The following RALYL variants were observed in gnomAD, a reference collection of about 807,000 sequenced individuals.
RALYL encodes the protein RALY RNA binding protein like.
In RALYL, 29 loss-of-function variants were observed where a neutral mutation model predicts 35.1. The ratio of observed to expected loss-of-function variants is 0.83; its 90% CI spans 0.61 to 1.13. The LOEUF is 1.13. RALYL is among the 50% of genes most tolerant of loss of function. The pLI, the probability that RALYL is intolerant of heterozygous loss-of-function variation, is 0.00. For synonymous variants in RALYL, 120 were observed against 127.6 expected (o/e 0.94, Z 0.40); for missense variants, 359 against 360.4 (o/e 1.00, Z 0.03).
chr8:84,309,023 A>G (rs1362144365), intron 1 of RALYL, among the ~76,000 whole-genome samples: 1 of 151,730 alleles, frequency 6.6e-6, no homozygotes, highest in African/African-American at 2.4e-5. Flanking sequence ...AGTATATACT[A>G]TACAATTATG....
chr8:84,305,885 G>A (rs1841688728), intron 1 of RALYL, among the ~76,000 whole-genome samples: 1 of 152,132 alleles, frequency 6.6e-6, no homozygotes, highest in African/African-American at 2.4e-5. Flanking sequence ...AGAAAACAAA[G>A]AGTATGTAAT....
Position 84,600,957 on chromosome 8 carries a change from T to C in RALYL, c.256+71380T>C, listed in dbSNP as rs183925077. On this transcript the variant is annotated intron_variant, in intron 2 of 8. Transcript: ENST00000521268. ...AATAACTGAATTAAGTTAAACAATA[T>C]GTTCAGGAAACATTTAGTAAGTGCC... Among the ~76,000 whole-genome samples the C allele has an allele frequency of 3.2e-4, 49 of 152,236 alleles. No individual in the cohort carries two copies. The East Asian group carries it at 8.9e-3, about 28-fold the overall frequency.
chr8:84,531,142 C>T (rs1217809782), intron 2 of RALYL, among the ~76,000 whole-genome samples: 1 of 152,086 alleles, frequency 6.6e-6, no homozygotes, highest in African/African-American at 2.4e-5. Context: ...TATAATCTTA[C>T]CTGTGTCATG....
intron 1 of RALYL, among the ~76,000 whole-genome samples, chr8:84,260,921 A>G (rs920101506): frequency 1.6e-4 from 24 of 152,200 alleles, no homozygotes; most frequent in African/African-American, 5.8e-4. Context: ...CTATTTATGT[A>G]GCAATTTTTG....
intron 2 of RALYL, among the ~76,000 whole-genome samples, chr8:84,621,557 C>T (rs1046119620): frequency 4.0e-5 from 6 of 151,744 alleles, no homozygotes; most frequent in African/African-American, 7.3e-5. Flanking sequence ...CACCTGTCTT[C>T]GGCGTCGCTC....
chr8:84,526,366 C>T (rs931509662), intron 1 of RALYL, among the ~76,000 whole-genome samples: 4 of 152,134 alleles, frequency 2.6e-5, no homozygotes, highest in African/African-American at 9.7e-5. Context: ...AGGGTGGTCA[C>T]AGAATACCTT....
At chr8:84,898,281 T>C (rs1352187221) in intron 8 of RALYL, among the ~76,000 whole-genome samples, 2 of 152,342 alleles carry the variant, frequency 1.3e-5, no homozygotes, top group East Asian at 1.9e-4. Flanking sequence ...TAGGTGATTG[T>C]GGTGCCTACT....
At chr8:84,398,973 CAAAAAAAA>C (rs10551190) in intron 1 of RALYL, among the ~76,000 whole-genome samples, 1 of 133,488 alleles carries the variant, frequency 7.5e-6, no homozygotes. Flanking sequence ...GACTCTGTCT[CAAAAAAAA>C]AAAAAAAAAA....
chr8:84,237,146 G>A (rs1022588960), intron 1 of RALYL, among the ~76,000 whole-genome samples: 1 of 152,132 alleles, frequency 6.6e-6, no homozygotes, highest in Non-Finnish European at 1.5e-5. Flanking sequence ...TGGGAAATAA[G>A]TTACAGGAAA....
intron 1 of RALYL, among the ~76,000 whole-genome samples, chr8:84,516,532 G>T (rs907021718): frequency 1.3e-5 from 2 of 152,024 alleles, no homozygotes; most frequent in African/African-American, 4.8e-5. Flanking sequence ...TATGTATGAA[G>T]TTCATTTTGA....
intron 1 of RALYL, among the ~76,000 whole-genome samples, chr8:84,250,095 A>G (rs1006633527): frequency 3.3e-5 from 5 of 152,126 alleles, no homozygotes; most frequent in African/African-American, 1.2e-4. Flanking sequence ...TACAGAAAGG[A>G]AAACTAGAAA....
At chr8:84,654,675 A>G (rs1019875212) in intron 2 of RALYL, among the ~76,000 whole-genome samples, 4 of 152,128 alleles carry the variant, frequency 2.6e-5, no homozygotes, top group African/African-American at 9.7e-5. Flanking sequence ...AAGTGAGGAC[A>G]TACAACATTT....
intron 8 of RALYL, among the ~76,000 whole-genome samples, chr8:84,901,514 G>T (rs965542220): frequency 2.0e-5 from 3 of 152,164 alleles, no homozygotes; most frequent in African/African-American, 7.2e-5. Context: ...AGGCGGGAGA[G>T]GGACTACTGC....
intron 8 of RALYL, among the ~76,000 whole-genome samples, chr8:84,891,048 A>G (rs1394657647): frequency 6.6e-6 from 1 of 152,186 alleles, no homozygotes; most frequent in East Asian, 1.9e-4. Context: ...TTAGGGACCG[A>G]GATATTTCAG....
At chr8:84,231,460 A>T (rs35038179) in intron 1 of RALYL, among the ~76,000 whole-genome samples, 8,521 of 152,272 alleles carry the variant, frequency 0.056, 276 homozygotes, top group Middle Eastern at 0.099. Flanking sequence ...TAGTACTGAA[A>T]AAATGGCCAT....
At chr8:84,389,996 T>G (rs1056646647) in intron 1 of RALYL, among the ~76,000 whole-genome samples, 9 of 152,202 alleles carry the variant, frequency 5.9e-5, no homozygotes, top group African/African-American at 2.2e-4. Flanking sequence ...TAGATAGCTC[T>G]TATTATTTTG....
intron 4 of RALYL, among the ~76,000 whole-genome samples, chr8:84,845,393 T>C (rs1172167373): frequency 6.6e-6 from 1 of 152,152 alleles, no homozygotes; most frequent in Non-Finnish European, 1.5e-5. Context: ...GGGTGTGAGA[T>C]TGTGGTTTTG....
intron 4 of RALYL, among the ~76,000 whole-genome samples, chr8:84,820,573 G>A (rs1046301509): frequency 2.0e-5 from 3 of 152,038 alleles, no homozygotes; most frequent in South Asian, 2.1e-4. Flanking sequence ...TCTGGGACAC[G>A]TGTGCTGAAC....
Position 84,921,133 on chromosome 8 carries a change from T to C in RALYL, c.*222T>C, listed in dbSNP as rs1211811833. On this transcript the variant is annotated 3_prime_UTR_variant, in exon 9 of 9. Transcript: ENST00000521268. ...TTTTATGGTTTAAATTGTAAATGTG[T>C]TTTCCCCTTTGCTAATTATGTTTTT... 1 of 369,778 alleles carries C rather than the reference T, an allele frequency of 2.7e-6. No homozygotes were observed. Among genetic ancestry groups the C allele is most frequent in the Non-Finnish European group, 4.9e-6 (1 of 203,326 alleles). 22.9% of individuals were successfully genotyped at this position (369,778 alleles called of 1,614,324 possible). A position where few individuals can be genotyped will look rare whatever the true frequency, so the allele number is the denominator to read the frequency against.
Sources: allele counts gnomAD v4.1 joint callset (sites outside exome capture counted in the v4.1 genomes callset), GRCh38; gene constraint gnomAD v4.1.1; transcripts MANE v1.5; gene names NCBI Gene and HGNC (gene_info 2026-07-23, HGNC 2026-07-21).